ARHGAP36: variants seen among roughly 807,000 people sequenced by gnomAD.
The protein encoded by ARHGAP36 is Rho GTPase activating protein 36.
A neutral mutation model predicts 32.9 loss-of-function variants in ARHGAP36; 7 were observed. The observed-to-expected ratio is 0.21, with a 90% CI of 0.12 to 0.40. The LOEUF (loss-of-function observed/expected upper bound fraction) is 0.40. Ranked by LOEUF, ARHGAP36 falls within the 10% of genes least tolerant of loss-of-function variation. The pLI is 1.00. For synonymous variants in ARHGAP36, 165 were observed against 168.3 expected (o/e 0.98, Z 0.15); for missense variants, 383 against 442.2 (o/e 0.87, Z 1.20).
intron 1 of ARHGAP36, among the ~76,000 whole-genome samples, chrX:131,064,174 G>C (rs1483414100): frequency 8.9e-6 from 1 of 111,778 alleles, no homozygotes; most frequent in African/African-American, 3.3e-5. Context: ...GGTTGGGGCT[G>C]GGTCAGCAAT....
At chrX:131,087,425 C>G (rs902136514) in intron 11 of ARHGAP36, among the ~76,000 whole-genome samples, 1 of 111,185 alleles carries the variant, frequency 9.0e-6, no homozygotes, top group Non-Finnish European at 1.9e-5. Flanking sequence ...GTTCCAAGCC[C>G]TGAAGAAGCC....
chrX:131,083,749 C>T lies in ARHGAP36; in HGVS notation c.335C>T (p.Thr112Ile). ...GGCTCCCCAGCTGTATCACACAAGA[C>T]ATTTGGCATTAGCCTGGAAGAGGTC... Reference protein sequence around the residue: ...RGQQRAVSHKTFGISLEEVLV... With the variant: ...RGQQRAVSHKIFGISLEEVLV... Residue 112 changes from threonine to isoleucine, a missense_variant, in exon 4 of 12, where the codon ACA becomes ATA. Thr to Ile is a moderately conservative substitution (Grantham distance 89). Coordinates refer to ENST00000276211, the MANE Select transcript of ARHGAP36 (RefSeq NM_144967.4). 1 of 1,211,290 alleles carries T rather than the reference C, an allele frequency of 8.3e-7. No individual in the cohort carries two copies. Among genetic ancestry groups the T allele is most frequent in the Middle Eastern group, 2.3e-4 (1 of 4,350 alleles).
intron 9 of ARHGAP36, 32 bp from the exon 10 acceptor site, chrX:131,086,297 A>G (rs1329635991): frequency 8.4e-7 from 1 of 1,187,679 alleles, no homozygotes; most frequent in Non-Finnish European, 1.1e-6. Flanking sequence ...GTGCTGTGTA[A>G]TGATGGCTAA....
At position 131,081,514 on chromosome X, in the gene ARHGAP36, TC is replaced by T; in HGVS notation, c.-142-9del. The T allele has an allele frequency of 9.5e-7, 1 of 1,047,984 alleles. No individual in the cohort carries two copies. The highest frequency in any genetic ancestry group is 1.2e-6 in the Non-Finnish European group (1 of 821,571). 86.4% of individuals were successfully genotyped at this position (1,047,984 alleles called of 1,213,427 possible). On this transcript the variant is annotated splice_polypyrimidine_tract_variant and intron_variant, in intron 1 of 11. Transcript: ENST00000276211. Reference sequence around the variant, plus strand: ...AATTTTTGAAGTTGGATTTTTTTTTTCTTTTTTAGCAAAAACAACCAGAGGC... The same window carrying T: ...AATTTTTGAAGTTGGATTTTTTTTTTTTTTTTAGCAAAAACAACCAGAGGC...
At chrX:131,088,523 C>A in intron 11 of ARHGAP36, 105 bp from the exon 12 acceptor site, 1 of 803,284 alleles carries the variant, frequency 1.2e-6, no homozygotes, top group South Asian at 2.5e-5. Context: ...TACCTTCTTG[C>A]CTCATACTGT....
At chrX:131,071,314 G>A (rs2073008513) in intron 1 of ARHGAP36, among the ~76,000 whole-genome samples, 3 of 111,276 alleles carry the variant, frequency 2.7e-5, no homozygotes, top group African/African-American at 6.6e-5. Context: ...TAAAGGGGCA[G>A]CACCCAGTCC....
chrX:131,062,494 A>G (rs2079675160), intron 1 of ARHGAP36, among the ~76,000 whole-genome samples: 1 of 111,442 alleles, frequency 9.0e-6, no homozygotes. Flanking sequence ...GATCTTCCCA[A>G]TGATCATGAA....
rs890706809 is a variant in ARHGAP36 at position 131,067,450 on chromosome X, G to A, written c.-143+9006G>A. Among the ~76,000 whole-genome samples, 10 of 113,136 alleles carry A rather than the reference G, an allele frequency of 8.8e-5. No individual in the cohort carries two copies. In the South Asian group the frequency reaches 3.2e-3, roughly 37 times the overall value. On this transcript the variant is annotated intron_variant, in intron 1 of 11. Transcript: ENST00000276211. ...AGGTACATTCACACCCTGCCCCAGC[G>A]GGCCTTGCCGACACAGAGGTGGGCG... is the stretch of plus-strand genomic sequence containing the variant.
In ARHGAP36 at chrX:131,088,802, A is replaced by G. The variant is rs1569370271; in HGVS notation, c.*17A>G. On this transcript the variant is annotated 3_prime_UTR_variant, in exon 12 of 12. Coordinates refer to ENST00000276211, the MANE Select transcript of ARHGAP36 (RefSeq NM_144967.4). ...TTTCCTTAGATGTTTTTCCTTCTAT[A>G]AGGTGCCAGACAGGGGAAAAGGGTG... 1 of 1,198,121 alleles carries G rather than the reference A, an allele frequency of 8.3e-7. No individual in the cohort carries two copies. Among genetic ancestry groups the G allele is most frequent in the Admixed American group, 2.3e-5 (1 of 44,176 alleles).
chrX:131,072,131 A>G (rs2079736026), intron 1 of ARHGAP36, among the ~76,000 whole-genome samples: 1 of 110,141 alleles, frequency 9.1e-6, no homozygotes. Flanking sequence ...TGACTTCTCT[A>G]AGTGCCTAGA....
In ARHGAP36 at chrX:131,081,674, C is replaced by T; in HGVS notation, c.9C>T (p.Gly3=). ...AATCATCCGATTCCAGAATGGGTGGCTGCATTCCTTTTCTGAAGGCAGCAA... is the reference window on the plus strand; with the variant it reads ...AATCATCCGATTCCAGAATGGGTGGTTGCATTCCTTTTCTGAAGGCAGCAA... The part of the protein sequence containing the change: MG[G]CIPFLKAARA... The change falls in exon 2 of 12, where the codon GGC becomes GGT. Residue 3 remains glycine (G), a synonymous_variant. Coordinates refer to ENST00000276211, the MANE Select transcript of ARHGAP36 (RefSeq NM_144967.4). The T allele has an allele frequency of 8.9e-7, 1 of 1,119,208 alleles. No homozygotes were observed. The highest frequency in any genetic ancestry group is 1.2e-6 in the Non-Finnish European group (1 of 840,193). 92.2% of individuals were successfully genotyped at this position (1,119,208 alleles called of 1,213,427 possible).
intron 2 of ARHGAP36, among the ~76,000 whole-genome samples, chrX:131,082,286 G>A (rs908331304): frequency 1.8e-5 from 2 of 111,960 alleles, no homozygotes; most frequent in African/African-American, 6.5e-5. Flanking sequence ...AGAGAACTGG[G>A]AGAGATAGAG....
At chrX:131,085,792 T>C (rs1469356650) in intron 8 of ARHGAP36, 56 bp downstream of exon 8, 1 of 1,187,409 alleles carries the variant, frequency 8.4e-7, no homozygotes, top group Admixed American at 2.2e-5. Flanking sequence ...TATGTGGGAG[T>C]ATATCAGCAA....
chrX:131,086,101 T>C lies in ARHGAP36; in HGVS notation c.1281+12T>C. ...ATGTCCTCTTCCAGGTAGGTGCAAGTTTTGGATGCACTTGTTTTACACATC... is the reference window on the plus strand; with the variant it reads ...ATGTCCTCTTCCAGGTAGGTGCAAGCTTTGGATGCACTTGTTTTACACATC... On this transcript the variant is annotated intron_variant, in intron 9 of 11. Transcript: ENST00000276211. The C allele has an allele frequency of 8.3e-7, 1 of 1,207,806 alleles. No homozygotes were observed. Among genetic ancestry groups the C allele is most frequent in the Non-Finnish European group, 1.1e-6 (1 of 892,658 alleles).
At chrX:131,066,266 C>T in intron 1 of ARHGAP36, among the ~76,000 whole-genome samples, 1 of 111,765 alleles carries the variant, frequency 8.9e-6, no homozygotes, top group Non-Finnish European at 1.9e-5. Context: ...TTGAAATTCG[C>T]CATATACCAA....
intron 11 of ARHGAP36, 140 bp from the exon 12 acceptor site, chrX:131,088,488 C>A: frequency 1.8e-6 from 1 of 562,732 alleles, no homozygotes; most frequent in Non-Finnish European, 2.8e-6. Context: ...TCTTATATGT[C>A]AAATGGGGAT....
intron 1 of ARHGAP36, among the ~76,000 whole-genome samples, chrX:131,075,425 G>A (rs189060962): frequency 9.0e-6 from 1 of 110,604 alleles, no homozygotes; most frequent in African/African-American, 3.3e-5. Context: ...CTGTCAGGTT[G>A]GGGGTGGGCT....
chrX:131,087,777 C>G (rs761903698), intron 11 of ARHGAP36, among the ~76,000 whole-genome samples: 3 of 111,861 alleles, frequency 2.7e-5, no homozygotes, highest in Admixed American at 9.4e-5. Context: ...CGTGAAGAAG[C>G]CTCTGATGTT....
intron 8 of ARHGAP36, 69 bp from the exon 9 acceptor site, chrX:131,085,844 A>C: frequency 8.5e-7 from 1 of 1,179,835 alleles, no homozygotes; most frequent in Non-Finnish European, 1.1e-6. Context: ...GAATAAAAAG[A>C]GACATATTCA....
Sources: gnomAD v4.1 joint callset for allele counts (sites outside exome capture counted in the v4.1 genomes callset) on GRCh38, gnomAD v4.1.1 for gene constraint, MANE v1.5 for transcripts, NCBI Gene and HGNC (gene_info 2026-07-23, HGNC 2026-07-21) for gene names.